The following PKN3 variants were observed in gnomAD, a reference collection of about 807,000 sequenced individuals.
PKN3 encodes the protein protein kinase N3.
PKN3 carries 91 observed loss-of-function variants against 113.1 expected under a neutral mutation model. The observed-to-expected ratio is 0.80, with a 90% CI of 0.68 to 0.96. PKN3 has a LOEUF of 0.96. Among genes scored for constraint, PKN3 ranks in the 40% least tolerant of loss-of-function variants. The probability of loss-of-function intolerance (pLI) is 0.00; values close to 1 mark genes in which losing one functional copy is unlikely to be tolerated. For missense variants in PKN3, 1,052 were observed against 1,202.2 expected, an observed-to-expected ratio of 0.88 and a Z score of 1.85; for synonymous variants, 467 against 499.0, an observed-to-expected ratio of 0.94 and a Z score of 0.85.
In PKN3 at chr9:128,720,307, T is replaced by A; in HGVS notation, c.2457+24T>A. On this transcript the variant is annotated intron_variant, in intron 21 of 21. Transcript: ENST00000291906. This position sits in a 1 kb window ranked among gnomAD's most constrained non-coding sequence, Gnocchi z 5.5. ...GGGTGAGCGGCTGGGGTGGCGGTGG[T>A]CCCCTGTGCCTGGCAGGGTAGGTGG... The A allele has an allele frequency of 6.2e-7, 1 of 1,612,340 alleles. No homozygotes were observed. Among genetic ancestry groups the A allele is most frequent in the Middle Eastern group, 1.6e-4 (1 of 6,062 alleles).
At position 128,713,262 on chromosome 9, in the gene PKN3, G is replaced by A. The variant is rs368248536; in HGVS notation, c.983-16G>A. On this transcript the variant is annotated splice_polypyrimidine_tract_variant and intron_variant, in intron 7 of 21. Coordinates refer to ENST00000291906, the MANE Select transcript of PKN3 (RefSeq NM_013355.5). The stretch of plus-strand genomic sequence containing the variant: ...CTGCTTCAGGCCTGCCCTGAGTCCC[G>A]GCTCTGGCCCTGCAGGCGAGGTGCT... 2.1e-5 allele frequency: 34 copies of A among 1,613,462 alleles called. 1 individual carries two copies. Among genetic ancestry groups the A allele is most frequent in the Middle Eastern group, 1.6e-4 (1 of 6,062 alleles).
In PKN3 at chr9:128,714,198, C is replaced by A. The variant is rs150127788; in HGVS notation, c.1314C>A (p.Gly438=). 139 of 1,614,048 alleles carry A rather than the reference C, an allele frequency of 8.6e-5. No homozygotes were observed. In the African/African-American group the frequency reaches 1.7e-3, roughly 20 times the overall value. Residue 438 remains glycine, a splice_region_variant and synonymous_variant, in exon 11 of 22, where the codon GGC becomes GGA. Transcript: ENST00000291906. ...RQERIFSKRR[G]QDFLRASQMN... ...ACTAAGCTCCCCCTTTTCTCCCAGG[C>A]CAGGACTTCCTGAGGGCTTCGCAGA...
intron 11 of PKN3, 42 bp from the exon 12 acceptor site, chr9:128,714,520 C>A (rs368182597): frequency 1.0e-6 from 1 of 955,454 alleles, no homozygotes; most frequent in African/African-American, 1.6e-5. Flanking sequence ...CCAGCTCTTG[C>A]GTCTGCCTGT....
rs1862363502 is a variant in PKN3 at position 128,717,117 on chromosome 9, C to CTTTTTCTTTTTTT, written c.1985+199_1985+200insCTTTTTTTTTTTT. Reference sequence around the variant, plus strand: ...GCTTATGAAGCTGTGCATTAGGTTTCTTTTTTTTTTTTTTTTTTTTTTTTT... The same window carrying CTTTTTCTTTTTTT: ...GCTTATGAAGCTGTGCATTAGGTTTCTTTTTCTTTTTTTTTTTTTTTTTTTTTTTTTTTTTTTT... On this transcript the variant is annotated intron_variant, in intron 16 of 21. Transcript: ENST00000291906. Among the ~76,000 whole-genome samples the CTTTTTCTTTTTTT allele has an allele frequency of 1.6e-4, 4 of 24,364 alleles. 1 individual carries two copies. The highest frequency in any genetic ancestry group is 1.6e-3 in the Admixed American group (2 of 1,244). 16.0% of individuals were successfully genotyped at this position (24,364 alleles called of 152,430 possible).
chr9:128,716,752 A>G lies in PKN3; in HGVS notation c.1814A>G (p.Tyr605Cys). 1 of 1,613,688 alleles carries G rather than the reference A, an allele frequency of 6.2e-7. No homozygotes were observed. The highest frequency in any genetic ancestry group is 8.5e-7 in the Non-Finnish European group (1 of 1,179,692). Residue 605 changes from tyrosine to cysteine, a missense_variant, in exon 16 of 22, where the codon TAC becomes TGC. Transcript: ENST00000291906. ...ACTCTTGCTCTCTCCTGTAGCCTGT[A>G]CTGCGAGAAGCGGATCCTGGAGGCT... is the stretch of plus-strand genomic sequence containing the variant. ...VLSRDEIESLYCEKRILEAVG... is the reference protein window; with the variant it reads ...VLSRDEIESLCCEKRILEAVG...
intron 15 of PKN3, 115 bp from the exon 16 acceptor site, chr9:128,716,632 C>T (rs12377128): frequency 1.3e-6 from 1 of 743,204 alleles, no homozygotes; most frequent in Non-Finnish European, 2.3e-6. Flanking sequence ...AACCATCAGT[C>T]TACTTGCCTG....
At chr9:128,703,997 G>T (rs1861931962) in intron 1 of PKN3, 1 of 985,474 alleles carries the variant, frequency 1.0e-6, no homozygotes. Flanking sequence ...GCGGTCAGAG[G>T]ATTTCCTGAG....
chr9:128,713,421 T>C, intron 8 of PKN3, 34 bp downstream of exon 8: 1 of 1,612,230 alleles, frequency 6.2e-7, no homozygotes, highest in Non-Finnish European at 8.5e-7. Context: ...AGGGGTGACC[T>C]TGGGCTGCGG....
chr9:128,714,278 G>T lies in PKN3; in HGVS notation c.1394G>T (p.Cys465Phe), dbSNP rs1203415053. 1.9e-6 allele frequency: 3 copies of T among 1,613,610 alleles called. No homozygotes were observed. The African/African-American group carries it at 4.0e-5, about 22-fold the overall frequency. ...GRLVMNLLPP[C>F]SSPSTISPPK... is the part of the protein sequence containing the mutation. ...CTCGTCATGAACCTGCTGCCCCCCT[G>T]CAGCTCCCCGAGCACAATCAGCCCC... is the stretch of plus-strand genomic sequence containing the variant. Residue 465 changes from cysteine to phenylalanine, a missense_variant, in exon 11 of 22, where the codon TGC becomes TTC. By Grantham distance (205) the Cys-to-Phe change is radical. Around this residue, in one of 2 missense-constraint regions of PKN3, gnomAD observed 719 missense variants for 759.4 expected, o/e 0.95. Transcript: ENST00000291906.
At chr9:128,705,183 G>C in intron 1 of PKN3, 120 bp from the exon 2 acceptor site, 1 of 1,298,352 alleles carries the variant, frequency 7.7e-7, no homozygotes, top group Non-Finnish European at 1.1e-6. Context: ...CCAAAACCCT[G>C]TGCGAGTCAG....
Position 128,714,383 on chromosome 9 carries a change from C to G in PKN3, c.1481+18C>G. 6.3e-7 allele frequency: 1 copy of G among 1,593,360 alleles called. No individual in the cohort carries two copies. The highest frequency in any genetic ancestry group is 1.3e-5 in the African/African-American group (1 of 74,190). On this transcript the variant is annotated intron_variant, in intron 11 of 21. Transcript: ENST00000291906. ...ACTCCCAGGTGAGGAGCTCCCTTGC[C>G]CTAGACTGCATGCTCCTCTGTGGCG...
Position 128,715,069 on chromosome 9 carries a change from G to A in PKN3, c.1653-103G>A. ...ACTGCAGGGCTTTTTCGAGCCCATA[G>A]GTCGGGACAGCCCAGGACTGGGCAT... On this transcript the variant is annotated intron_variant, in intron 13 of 21. Transcript: ENST00000291906. The surrounding 1 kb of genome is among the most constrained non-coding windows in gnomAD (Gnocchi z 4.1). 7.7e-7 allele frequency: 1 copy of A among 1,292,320 alleles called. No homozygotes were observed. Among genetic ancestry groups the A allele is most frequent in the Non-Finnish European group, 1.1e-6 (1 of 895,956 alleles). The allele number at this position is 1,292,320 out of a possible 1,614,324, so 80.1% of individuals were successfully genotyped here.
intron 1 of PKN3, among the ~76,000 whole-genome samples, chr9:128,704,786 C>T (rs936348059): frequency 1.4e-4 from 22 of 151,842 alleles, no homozygotes; most frequent in Non-Finnish European, 2.8e-4. Context: ...GGCTTAGTGG[C>T]GTGTGCCTGT....
At chr9:128,717,202 C>T (rs1222816347) in intron 16 of PKN3, among the ~76,000 whole-genome samples, 3 of 131,346 alleles carry the variant, frequency 2.3e-5, no homozygotes, top group Non-Finnish European at 4.7e-5. Flanking sequence ...GATCTCGGCT[C>T]ACCACAACCT....
At chr9:128,712,766 G>T (rs1327654915) in intron 6 of PKN3, among the ~76,000 whole-genome samples, 1 of 152,180 alleles carries the variant, frequency 6.6e-6, no homozygotes, top group African/African-American at 2.4e-5. Flanking sequence ...CCTCACCTGG[G>T]AGTGTCCAGG....
chr9:128,706,156 A>T (rs1379881204), intron 3 of PKN3, among the ~76,000 whole-genome samples: 1 of 152,236 alleles, frequency 6.6e-6, no homozygotes, highest in Non-Finnish European at 1.5e-5. Context: ...TGACAAGAAG[A>T]CTTGGCTGTG....
chr9:128,705,876 C>G lies in PKN3; in HGVS notation c.408C>G (p.Pro136=). 1 of 1,590,488 alleles carries G rather than the reference C, an allele frequency of 6.3e-7. No individual in the cohort carries two copies. Reference sequence around the variant, plus strand: ...CCCACACGTGCGCCAGTGGCACCCCCAAGGTAAGGCCCCACAGTCTGATGG... The same window carrying G: ...CCCACACGTGCGCCAGTGGCACCCCGAAGGTAAGGCCCCACAGTCTGATGG... ...NMTHTCASGT[P]KERKLLAAAQ... is the part of the protein sequence containing the mutation. The change falls in exon 3 of 22, where the codon CCC becomes CCG. Residue 136 remains proline, a synonymous_variant. Coordinates refer to ENST00000291906, the MANE Select transcript of PKN3 (RefSeq NM_013355.5).
intron 1 of PKN3, chr9:128,703,992 C>T: frequency 2.0e-6 from 2 of 985,458 alleles, no homozygotes; most frequent in South Asian, 9.4e-5. Flanking sequence ...CTAGGGCGGT[C>T]AGAGGATTTC....
At chr9:128,714,449 C>A in intron 11 of PKN3, 84 bp downstream of exon 11, 1 of 1,262,074 alleles carries the variant, frequency 7.9e-7, no homozygotes, top group Non-Finnish European at 1.2e-6. Flanking sequence ...GTCTGTCTGT[C>A]TGCATTGCTC....
Sources: allele counts gnomAD v4.1 joint callset (sites outside exome capture counted in the v4.1 genomes callset), GRCh38; gene constraint gnomAD v4.1.1; regional missense constraint gnomAD v4.1.1; non-coding constraint Gnocchi (gnomAD v3.1); transcripts MANE v1.5; gene names NCBI Gene and HGNC (gene_info 2026-07-23, HGNC 2026-07-21).